The following TSPAN5 variants were observed in gnomAD, a reference collection of about 807,000 sequenced individuals.
The protein encoded by TSPAN5 is tetraspanin-5.
TSPAN5 carries 10 observed loss-of-function variants against 37.1 expected under a neutral mutation model. That is an observed-to-expected ratio of 0.27 (90% CI 0.17 to 0.46). TSPAN5 has a LOEUF of 0.46. Among genes scored for constraint, TSPAN5 ranks in the 20% least tolerant of loss-of-function variants. TSPAN5 has a pLI of 1.00. For synonymous variants in TSPAN5, 110 were observed against 118.9 expected, an observed-to-expected ratio of 0.93 and a Z score of 0.48; for missense variants, 195 against 326.6, an observed-to-expected ratio of 0.60 and a Z score of 3.11.
chr4:98,537,242 A>T (rs1316273729), intron 1 of TSPAN5, among the ~76,000 whole-genome samples: 1 of 152,092 alleles, frequency 6.6e-6, no homozygotes, highest in Non-Finnish European at 1.5e-5. Context: ...TGGCTAGAGG[A>T]CGAAATTCCG....
chr4:98,521,684 C>A (rs1753859637), intron 1 of TSPAN5, among the ~76,000 whole-genome samples: 1 of 152,216 alleles, frequency 6.6e-6, no homozygotes, highest in African/African-American at 2.4e-5. Flanking sequence ...TCTCCAGCCC[C>A]CTGGCTTGCT....
chr4:98,652,960 C>T (rs1391009990), intron 1 of TSPAN5, among the ~76,000 whole-genome samples: 1 of 152,158 alleles, frequency 6.6e-6, no homozygotes, highest in Non-Finnish European at 1.5e-5. Flanking sequence ...CTTCATACTG[C>T]CCCACAGAGG....
At chr4:98,647,865 T>TA (rs59286533) in intron 1 of TSPAN5, among the ~76,000 whole-genome samples, 38,596 of 143,174 alleles carry the variant, frequency 0.27, 5,397 homozygotes, top group South Asian at 0.42. Flanking sequence ...TTGTTTTGTT[T>TA]AAAAAAAAAA....
At chr4:98,586,334 T>C (rs566633874) in intron 1 of TSPAN5, among the ~76,000 whole-genome samples, 1 of 152,342 alleles carries the variant, frequency 6.6e-6, no homozygotes, top group African/African-American at 2.4e-5. Context: ...TGAAGACATT[T>C]TGGGACAATC....
chr4:98,472,797 T>G (rs937632666), intron 7 of TSPAN5, among the ~76,000 whole-genome samples: 2 of 152,152 alleles, frequency 1.3e-5, no homozygotes, highest in Non-Finnish European at 1.5e-5. Flanking sequence ...CACAGAACAT[T>G]TCATTACCCC....
At chr4:98,548,661 C>G (rs1054071985) in intron 1 of TSPAN5, among the ~76,000 whole-genome samples, 9 of 152,094 alleles carry the variant, frequency 5.9e-5, no homozygotes, top group African/African-American at 2.2e-4. Flanking sequence ...TTTTTCAACC[C>G]TCACCTCCCT....
chr4:98,617,773 G>A (rs761207889), intron 1 of TSPAN5, among the ~76,000 whole-genome samples: 4 of 152,116 alleles, frequency 2.6e-5, no homozygotes, highest in South Asian at 2.1e-4. Flanking sequence ...CAAAGCTAGC[G>A]GTGCCAGCCC....
intron 2 of TSPAN5, among the ~76,000 whole-genome samples, chr4:98,503,295 C>G (rs1443618043): frequency 1.3e-5 from 2 of 152,164 alleles, no homozygotes; most frequent in Non-Finnish European, 2.9e-5. Context: ...CAGCCACACT[C>G]TCTACAGCCC....
chr4:98,625,334 A>T (rs140848366), intron 1 of TSPAN5, among the ~76,000 whole-genome samples: 6 of 152,296 alleles, frequency 3.9e-5, no homozygotes, highest in Non-Finnish European at 8.8e-5. Flanking sequence ...CTTATAAGGA[A>T]ATGAAGGTGA....
intron 1 of TSPAN5, 124 bp downstream of exon 1, chr4:98,658,022 C>CCT: frequency 1.2e-6 from 1 of 842,242 alleles, no homozygotes; most frequent in Non-Finnish European, 2.1e-6. Context: ...AAGGCGAATG[C>CCT]CTCTATGCTG....
chr4:98,609,087 G>A (rs889748455), intron 1 of TSPAN5, among the ~76,000 whole-genome samples: 3 of 152,038 alleles, frequency 2.0e-5, no homozygotes, highest in Non-Finnish European at 1.5e-5. Flanking sequence ...AATCACAGTG[G>A]TCTAGAGGGT....
In TSPAN5 at chr4:98,573,165, C is replaced by A. The variant is rs1211499491; in HGVS notation, c.82-65437G>T. On this transcript the variant is annotated intron_variant, in intron 1 of 7. Coordinates refer to ENST00000305798, the MANE Select transcript of TSPAN5 (RefSeq NM_005723.4). ...ATATTTAGAAAATTTTTATTTTGTT[C>A]TGTTCATGCTTTGACCATGGCTATT... is the stretch of plus-strand genomic sequence containing the variant. Among the ~76,000 whole-genome samples the A allele has an allele frequency of 3.9e-5, 6 of 152,122 alleles. No homozygotes were observed. The East Asian group carries it at 1.2e-3, about 29-fold the overall frequency.
At chr4:98,641,709 C>CGGTA (rs1408200101) in intron 1 of TSPAN5, among the ~76,000 whole-genome samples, 1 of 152,112 alleles carries the variant, frequency 6.6e-6, no homozygotes, top group Non-Finnish European at 1.5e-5. Context: ...AACATATAAA[C>CGGTA]GGTAAGCAGA....
chr4:98,599,549 A>T (rs1457821460), intron 1 of TSPAN5, among the ~76,000 whole-genome samples: 1 of 152,220 alleles, frequency 6.6e-6, no homozygotes, highest in Non-Finnish European at 1.5e-5. Context: ...ATCAAAATAT[A>T]CAGCATTCCC....
intron 2 of TSPAN5, among the ~76,000 whole-genome samples, chr4:98,505,828 G>C (rs1393066155): frequency 6.6e-6 from 1 of 152,182 alleles, no homozygotes; most frequent in African/African-American, 2.4e-5. Flanking sequence ...CCTGCTTATG[G>C]AGTTCTGCTA....
At chr4:98,557,277 C>T (rs924518364) in intron 1 of TSPAN5, among the ~76,000 whole-genome samples, 1 of 152,100 alleles carries the variant, frequency 6.6e-6, no homozygotes, top group African/African-American at 2.4e-5. Context: ...ACTAAATCAA[C>T]TGAAGCAGAA....
intron 2 of TSPAN5, among the ~76,000 whole-genome samples, chr4:98,490,087 A>C (rs974855133): frequency 6.6e-6 from 1 of 152,168 alleles, no homozygotes; most frequent in African/African-American, 2.4e-5. Context: ...TTCAACTTTG[A>C]GACCGTTCTA....
chr4:98,602,759 G>C (rs1176152227), intron 1 of TSPAN5, among the ~76,000 whole-genome samples: 1 of 152,240 alleles, frequency 6.6e-6, no homozygotes, highest in Non-Finnish European at 1.5e-5. Context: ...ATTTATGCAA[G>C]GGACTGGTAA....
intron 1 of TSPAN5, among the ~76,000 whole-genome samples, chr4:98,561,548 G>A (rs1232459578): frequency 6.6e-6 from 1 of 152,224 alleles, no homozygotes; most frequent in Non-Finnish European, 1.5e-5. Context: ...GGTTCAGCAG[G>A]GGTTTATGAC....
Sources: gnomAD v4.1 joint callset for allele counts (sites outside exome capture counted in the v4.1 genomes callset) on GRCh38, gnomAD v4.1.1 for gene constraint, MANE v1.5 for transcripts, NCBI Gene and HGNC (gene_info 2026-07-23, HGNC 2026-07-21) for gene names.